UTY: variants seen among roughly 807,000 people sequenced by gnomAD.
The protein encoded by UTY is histone demethylase UTY.
UTY carries 12 observed loss-of-function variants against 32.5 expected under a neutral mutation model. The observed-to-expected ratio is 0.37, with a 90% CI of 0.24 to 0.60. The LOEUF (loss-of-function observed/expected upper bound fraction) is 0.60, where lower values mean the gene tolerates loss of function less well. Ranked by LOEUF, UTY falls within the 20% of genes least tolerant of loss-of-function variation. The pLI, the probability that UTY is intolerant of heterozygous loss-of-function variation, is 0.69. For synonymous variants in UTY, 131 were observed against 103.4 expected (o/e 1.27, Z -1.62); for missense variants, 303 against 299.2 (o/e 1.01, Z -0.09).
At chrY:13,234,061 G>A (rs2053831071), downstream of UTY, among the ~76,000 whole-genome samples, 1 of 34,255 alleles carries the variant, frequency 2.9e-5, no homozygotes, top group African/African-American at 1.1e-4. Context: ...CCCAAGTTTT[G>A]CTCAGGCCTG....
intron 19 of UTY, among the ~76,000 whole-genome samples, chrY:13,324,968 T>C (rs2060128915): frequency 3.0e-5 from 1 of 33,523 alleles, no homozygotes; most frequent in Non-Finnish European, 7.4e-5. Context: ...CATTTTAAAT[T>C]TGATTCACTT....
At chrY:13,468,554 C>A (rs2078131039) in intron 3 of UTY, among the ~76,000 whole-genome samples, 2 of 31,754 alleles carry the variant, frequency 6.3e-5, no homozygotes, top group Non-Finnish European at 1.5e-4. Context: ...GTGGCAGGCA[C>A]TTGTAGTCCC....
At chrY:13,292,648 C>A in intron 27 of UTY, among the ~76,000 whole-genome samples, 1 of 32,538 alleles carries the variant, frequency 3.1e-5, no homozygotes, top group Non-Finnish European at 7.5e-5. Flanking sequence ...AGACCAGTAA[C>A]AAATAAGGTG....
At chrY:13,461,564 G>A (rs1016529741) in intron 3 of UTY, among the ~76,000 whole-genome samples, 1 of 33,349 alleles carries the variant, frequency 3.0e-5, no homozygotes, top group African/African-American at 1.2e-4. Flanking sequence ...CTTGTCAACA[G>A]TGATTATTTT....
At chrY:13,467,374 G>A (rs201454447) in intron 3 of UTY, among the ~76,000 whole-genome samples, 1 of 33,917 alleles carries the variant, frequency 2.9e-5, no homozygotes, top group East Asian at 7.7e-4. Flanking sequence ...CAATTTCCTT[G>A]GAGTCTTTAT....
intron 27 of UTY, among the ~76,000 whole-genome samples, chrY:13,285,605 C>A: frequency 2.9e-5 from 1 of 34,223 alleles, no homozygotes; most frequent in Non-Finnish European, 7.3e-5. Context: ...ACTCTTTACA[C>A]AGTATGTGTC....
intron 10 of UTY, among the ~76,000 whole-genome samples, chrY:13,365,094 C>T: frequency 9.0e-5 from 3 of 33,199 alleles, no homozygotes; most frequent in Non-Finnish European, 2.2e-4. Context: ...TTTTTTAAAA[C>T]GCTAGATATC....
At chrY:13,318,193 G>A (rs1603385288) in intron 21 of UTY, among the ~76,000 whole-genome samples, 2 of 24,786 alleles carry the variant, frequency 8.1e-5, no homozygotes, top group African/African-American at 3.5e-4. Flanking sequence ...AGTAATAATA[G>A]TAATAATAAT....
chrY:13,350,486 T>C, intron 17 of UTY, among the ~76,000 whole-genome samples: 1 of 32,997 alleles, frequency 3.0e-5, no homozygotes, highest in Non-Finnish European at 7.5e-5. Context: ...TCAATAAAAA[T>C]AAACAAAGTT....
chrY:13,368,642 G>A (rs775868297), intron 9 of UTY, among the ~76,000 whole-genome samples: 4 of 32,252 alleles, frequency 1.2e-4, no homozygotes, highest in Non-Finnish European at 3.0e-4. Flanking sequence ...GACCCCGACA[G>A]TGCTGGGACC....
chrY:13,246,448 C>G (rs961662093), downstream of UTY, among the ~76,000 whole-genome samples: 1 of 32,954 alleles, frequency 3.0e-5, no homozygotes, highest in Non-Finnish European at 7.4e-5. Flanking sequence ...TAATGGCTAA[C>G]AAAAAGGCTC....
chrY:13,462,785 G>T (rs939743803), intron 3 of UTY, among the ~76,000 whole-genome samples: 6 of 30,883 alleles, frequency 1.9e-4, no homozygotes, highest in Non-Finnish European at 4.7e-4. Context: ...ATTATTTAGG[G>T]GTGTATACCT....
At chrY:13,252,096 C>T in intron 28 of UTY, among the ~76,000 whole-genome samples, 2 of 25,458 alleles carry the variant, frequency 7.9e-5, no homozygotes, top group African/African-American at 1.6e-4. Context: ...AGGAGGATGG[C>T]GTGAACCCGG....
At chrY:13,429,846 C>A (rs2073784944) in intron 4 of UTY, among the ~76,000 whole-genome samples, 1 of 32,959 alleles carries the variant, frequency 3.0e-5, no homozygotes, top group Non-Finnish European at 7.4e-5. Context: ...TTTACCCTGT[C>A]ACTCTCTTTA....
intron 6 of UTY, among the ~76,000 whole-genome samples, chrY:13,403,376 C>T: frequency 2.5e-4 from 8 of 31,509 alleles, no homozygotes; most frequent in Non-Finnish European, 5.4e-4. Flanking sequence ...TCACTGGAAC[C>T]GCCGAATCTC....
chrY:13,437,133 G>C (rs2074670160), intron 4 of UTY, among the ~76,000 whole-genome samples: 1 of 32,534 alleles, frequency 3.1e-5, no homozygotes, highest in Non-Finnish European at 7.5e-5. Context: ...AAGTAGCGGG[G>C]CATCTCCACA....
At chrY:13,462,048 C>T in intron 3 of UTY, among the ~76,000 whole-genome samples, 1 of 33,501 alleles carries the variant, frequency 3.0e-5, no homozygotes, top group Non-Finnish European at 7.4e-5. Context: ...ACTCTATTGA[C>T]TTTAAGTTAC....
chrY:13,270,715 C>T, intron 27 of UTY, among the ~76,000 whole-genome samples: 1 of 33,583 alleles, frequency 3.0e-5, no homozygotes, highest in Non-Finnish European at 7.4e-5. Flanking sequence ...TCACAATAAC[C>T]ATCAACAGTT....
chrY:13,303,108 G>C, intron 24 of UTY, 117 bp from the exon 25 acceptor site: 1 of 140,784 alleles, frequency 7.1e-6, no homozygotes. Flanking sequence ...TTAGAACTTT[G>C]AACAGAACAT....
Sources: gnomAD v4.1 joint callset for allele counts (sites outside exome capture counted in the v4.1 genomes callset) on GRCh38, gnomAD v4.1.1 for gene constraint, MANE v1.5 for transcripts, NCBI Gene and HGNC (gene_info 2026-07-23, HGNC 2026-07-21) for gene names.